Variants in ACAD10 observed in about 807,000 individuals in gnomAD.
ACAD10 encodes the protein acyl-CoA dehydrogenase family member 10.
A neutral mutation model predicts 116.8 loss-of-function variants in ACAD10; 112 were observed. The observed-to-expected ratio is 0.96, with a 90% confidence interval of 0.82 to 1.12. The LOEUF is 1.12. Ranked by LOEUF, ACAD10 falls within the 50% of genes most tolerant of loss-of-function variation. ACAD10 has a pLI of 0.00. For synonymous variants in ACAD10, 486 were observed against 510.6 expected, an observed-to-expected ratio of 0.95 and a Z score of 0.65; for missense variants, 1,259 against 1,350.2, an observed-to-expected ratio of 0.93 and a Z score of 1.06.
chr12:111,732,810 G>A (rs1240679399), intron 10 of ACAD10, among the ~76,000 whole-genome samples: 1 of 152,240 alleles, frequency 6.6e-6, no homozygotes, highest in African/African-American at 2.4e-5. Flanking sequence ...GACAGGGCAA[G>A]CATGTGCTGT....
intron 7 of ACAD10, among the ~76,000 whole-genome samples, chr12:111,720,893 C>A (rs1888996723): frequency 6.6e-6 from 1 of 152,000 alleles, no homozygotes; most frequent in Non-Finnish European, 1.5e-5. Flanking sequence ...AAGTGATTCT[C>A]ATGCTTCAGC....
rs1889925485 is a variant in ACAD10 at position 111,747,049 on chromosome 12, G to A, written c.2257G>A (p.Val753Ile). The A allele has an allele frequency of 1.9e-6, 3 of 1,590,524 alleles. No homozygotes were observed. The highest frequency in any genetic ancestry group is 4.5e-5 in the East Asian group (2 of 44,520). ...LMGTSLYAPE[V>I]CNCSAPDTGN... Reference sequence around the variant, plus strand: ...TGGTCACGCTCCTTTTCCTTCTCAGGTATGTAACTGCTCTGCGCCTGACAC... The same window carrying A: ...TGGTCACGCTCCTTTTCCTTCTCAGATATGTAACTGCTCTGCGCCTGACAC... The change falls in exon 15 of 21, where the codon GTA (valine) becomes ATA (isoleucine). Residue 753 changes from valine (V) to isoleucine (I), a missense_variant and splice_region_variant. Coordinates refer to ENST00000313698, the MANE Select transcript of ACAD10 (RefSeq NM_025247.6).
At chr12:111,727,375 T>A (rs184384990) in intron 8 of ACAD10, among the ~76,000 whole-genome samples, 3 of 151,942 alleles carry the variant, frequency 2.0e-5, no homozygotes, top group Admixed American at 2.0e-4. Context: ...ATACAAAAAA[T>A]TAGCCGGGCG....
chr12:111,744,527 CT>C, intron 12 of ACAD10, 115 bp from the exon 13 acceptor site: 1 of 1,306,152 alleles, frequency 7.7e-7, no homozygotes, highest in Admixed American at 2.1e-5. Context: ...GTGTTTGGTA[CT>C]TAGCAAGTGC....
At chr12:111,703,227 A>C (rs1187705204) in intron 3 of ACAD10, among the ~76,000 whole-genome samples, 1 of 152,140 alleles carries the variant, frequency 6.6e-6, no homozygotes, top group African/African-American at 2.4e-5. Context: ...TTTTAGAGCC[A>C]CTGTGCCCTT....
chr12:111,707,482 G>A (rs1888546100), intron 4 of ACAD10, among the ~76,000 whole-genome samples: 1 of 152,184 alleles, frequency 6.6e-6, no homozygotes, highest in Non-Finnish European at 1.5e-5. Context: ...GCCCAGATTG[G>A]CAGTTGATCT....
chr12:111,728,691 T>C (rs1307281694), intron 9 of ACAD10, among the ~76,000 whole-genome samples: 3 of 151,948 alleles, frequency 2.0e-5, no homozygotes, highest in Non-Finnish European at 4.4e-5. Context: ...GATAGTTTTT[T>C]TGTTTGTTTG....
intron 2 of ACAD10, chr12:111,693,191 G>C (rs902959975): frequency 5.8e-6 from 2 of 342,558 alleles, no homozygotes; most frequent in African/African-American, 4.2e-5. Context: ...TGATTGCTCA[G>C]TGCATCCTAA....
chr12:111,726,447 C>T (rs1889215290), intron 8 of ACAD10, among the ~76,000 whole-genome samples: 1 of 152,146 alleles, frequency 6.6e-6, no homozygotes, highest in Admixed American at 6.6e-5. Context: ...AACCAGAGAC[C>T]ATGTCAGGCA....
At chr12:111,716,076 C>A in intron 7 of ACAD10, 114 bp downstream of exon 7, 1 of 1,428,766 alleles carries the variant, frequency 7.0e-7, no homozygotes, top group Non-Finnish European at 9.6e-7. Context: ...TTTAAAACTA[C>A]AATTATGGGC....
intron 7 of ACAD10, 119 bp from the exon 8 acceptor site, chr12:111,721,552 A>G: frequency 1.1e-6 from 1 of 899,334 alleles, no homozygotes; most frequent in Non-Finnish European, 1.7e-6. Flanking sequence ...TGGGTAACAG[A>G]GCGAGACTGT....
intron 3 of ACAD10, among the ~76,000 whole-genome samples, chr12:111,705,023 A>T (rs1470237939): frequency 2.6e-5 from 4 of 152,128 alleles, no homozygotes; most frequent in African/African-American, 9.6e-5. Context: ...GATTGAATTT[A>T]AAAACAAGAA....
chr12:111,724,239 G>A (rs1187288006), intron 8 of ACAD10, among the ~76,000 whole-genome samples: 3 of 151,416 alleles, frequency 2.0e-5, no homozygotes, highest in African/African-American at 7.3e-5. Flanking sequence ...TCACTTCCTA[G>A]ATGTGATGGC....
At chr12:111,717,078 T>C (rs761660448) in intron 7 of ACAD10, among the ~76,000 whole-genome samples, 4 of 152,162 alleles carry the variant, frequency 2.6e-5, no homozygotes, top group African/African-American at 4.8e-5. Context: ...GTTACAATTA[T>C]AGTCCTCATT....
At chr12:111,727,638 A>C (rs1204738705) in intron 8 of ACAD10, among the ~76,000 whole-genome samples, 1 of 152,170 alleles carries the variant, frequency 6.6e-6, no homozygotes, top group Non-Finnish European at 1.5e-5. Context: ...CTTTGAATCC[A>C]TTCCTGTGGC....
chr12:111,727,028 C>T (rs975083007), intron 8 of ACAD10, among the ~76,000 whole-genome samples: 4 of 151,972 alleles, frequency 2.6e-5, no homozygotes, highest in African/African-American at 9.7e-5. Context: ...GAGTTTGAGA[C>T]CAGCCTGGCC....
intron 6 of ACAD10, among the ~76,000 whole-genome samples, chr12:111,713,877 C>T (rs561893013): frequency 2.0e-5 from 3 of 151,268 alleles, no homozygotes; most frequent in East Asian, 3.9e-4. Context: ...ACTGAGGTTA[C>T]GGTGAGCTAA....
rs1223435370 is a variant in ACAD10, at chr12:111,744,695, G to T, written c.1767G>T (p.Val589=). The T allele has an allele frequency of 6.2e-7, 1 of 1,614,238 alleles. No homozygotes were observed. The highest frequency in any genetic ancestry group is 8.5e-7 in the Non-Finnish European group (1 of 1,180,044). Residue 589 remains valine (V), a synonymous_variant, in exon 13 of 21, where the codon GTG becomes GTT. Coordinates refer to ENST00000313698, the MANE Select transcript of ACAD10 (RefSeq NM_025247.6). ...AAACTGGAAAGCTGACCGAATTTGT[G>T]TCTAACCTGGCGTGGGATTTCGCAG... ...AEQTGKLTEF[V]SNLAWDFAVK...
In ACAD10 at chr12:111,734,038, T is replaced by C; in HGVS notation, c.1510T>C (p.Tyr504His). ...TGTGGCCTACAGCTGCCTGGCTCAT[T>C]ACCTGCCATCCAGTTTTCCCGTGCT... ...ADVAYSCLAHYLPSSFPVLRG... is the reference protein window; with the variant it reads ...ADVAYSCLAHHLPSSFPVLRG... Residue 504 changes from tyrosine (Y) to histidine (H), a missense_variant, in exon 11 of 21, where the codon TAC (tyrosine) becomes CAC (histidine). By Grantham distance (83) the Tyr-to-His change is moderately conservative (BLOSUM62 2). Transcript: ENST00000313698. The C allele has an allele frequency of 6.2e-7, 1 of 1,614,212 alleles. No individual in the cohort carries two copies. The highest frequency in any genetic ancestry group is 1.3e-5 in the African/African-American group (1 of 75,064).
Sources: allele counts gnomAD v4.1 joint callset (sites outside exome capture counted in the v4.1 genomes callset), GRCh38; gene constraint gnomAD v4.1.1; transcripts MANE v1.5; gene names NCBI Gene and HGNC (gene_info 2026-07-23, HGNC 2026-07-21).